COL5A1: variants seen among roughly 807,000 people sequenced by gnomAD.
COL5A1 encodes the protein collagen type V alpha 1 chain.
Under a neutral mutation model 263.7 loss-of-function variants are expected in COL5A1, and 16 were observed. The observed-to-expected ratio is 0.06, with a 90% CI of 0.04 to 0.09. The LOEUF is 0.09. Among genes scored for constraint, COL5A1 ranks in the 10% least tolerant of loss-of-function variants. The probability of loss-of-function intolerance (pLI) is 1.00; values close to 1 mark genes in which losing one functional copy is unlikely to be tolerated. For missense variants in COL5A1, 2,036 were observed against 2,540.5 expected, an observed-to-expected ratio of 0.80 and a Z score of 4.27; for synonymous variants, 1,012 against 1,004.5, an observed-to-expected ratio of 1.01 and a Z score of -0.14.
At chr9:134,768,335 A>G in intron 24 of COL5A1, 75 bp from the exon 25 acceptor site, 1 of 1,302,860 alleles carries the variant, frequency 7.7e-7, no homozygotes, top group Non-Finnish European at 1.1e-6. Context: ...GTTGAAAAGT[A>G]ACCTTGGTGG....
chr9:134,760,185 A>AC (rs566295812), intron 18 of COL5A1, among the ~76,000 whole-genome samples: 5 of 78,676 alleles, frequency 6.4e-5, no homozygotes, highest in Admixed American at 3.4e-4. Flanking sequence ...ACACACATAC[A>AC]CCCCCACACC....
At chr9:134,813,946 C>T (rs1588580680) in intron 48 of COL5A1, 37 bp from the exon 49 acceptor site, 13 of 1,548,716 alleles carry the variant, frequency 8.4e-6, no homozygotes, top group African/African-American at 5.5e-5. Flanking sequence ...CATCGCGGTG[C>T]TCACCGCTGC....
rs987203993 is a variant in COL5A1 at position 134,652,799 on chromosome 9, G to T, written c.109+10503G>T. On this transcript the variant is annotated intron_variant, in intron 1 of 65. Coordinates refer to ENST00000371817, the MANE Select transcript of COL5A1 (RefSeq NM_000093.5). This position sits in a 1 kb window ranked among gnomAD's most constrained non-coding sequence, Gnocchi z 4.4. ...TTTCTCCTCATGGTGTAGACCAGCA[G>T]TTCCCAAACTTTACCAGGCCCCAGA... 3.9e-5 allele frequency: 18 copies of T among 458,362 alleles called. No homozygotes were observed. The highest frequency in any genetic ancestry group is 3.6e-4 in the African/African-American group (18 of 49,632). 28.4% of individuals were successfully genotyped at this position (458,362 alleles called of 1,614,324 possible). A position where few individuals can be genotyped will look rare whatever the true frequency, so the allele number is the denominator to read the frequency against.
At chr9:134,743,113 G>A (rs1390016927) in intron 11 of COL5A1, among the ~76,000 whole-genome samples, 1 of 152,310 alleles carries the variant, frequency 6.6e-6, no homozygotes, top group East Asian at 1.9e-4. Flanking sequence ...TGTGATCAGA[G>A]CGTCTTTGAG....
At position 134,792,877 on chromosome 9, in the gene COL5A1, G is replaced by GCA. The variant is rs1264425278; in HGVS notation, c.2701-2201_2701-2200dup. On this transcript the variant is annotated intron_variant, in intron 32 of 65. Transcript: ENST00000371817. ...CACACGTGTGTGTGCGCGCGTTTGT[G>GCA]CACACGTGTGTGTGCGCGCGTGTGT... 2.3e-4 allele frequency among the ~76,000 whole-genome samples: 7 copies of GCA among 29,860 alleles called. No individual in the cohort carries two copies. The East Asian group carries it at 2.7e-3, about 12-fold the overall frequency. The allele number at this position is 29,860 out of a possible 152,430, so 19.6% of individuals were successfully genotyped here.
intron 5 of COL5A1, 142 bp from the exon 6 acceptor site, chr9:134,728,528 C>A: frequency 8.8e-7 from 1 of 1,134,232 alleles, no homozygotes; most frequent in Non-Finnish European, 1.3e-6. Flanking sequence ...GGAACCCCAT[C>A]CGGGGACCCA....
intron 1 of COL5A1, among the ~76,000 whole-genome samples, chr9:134,669,782 G>C (rs1254136477): frequency 6.6e-6 from 1 of 152,144 alleles, no homozygotes; most frequent in Non-Finnish European, 1.5e-5. Context: ...GGGTGTGGAT[G>C]GGAGGGGAGA....
At chr9:134,830,318 C>T in intron 64 of COL5A1, 2 of 851,568 alleles carry the variant, frequency 2.3e-6, no homozygotes, top group Non-Finnish European at 3.7e-6. Context: ...CAGCAAGACT[C>T]AGCTAGGTGT....
intron 28 of COL5A1, 48 bp downstream of exon 28, chr9:134,780,194 G>T: frequency 6.3e-7 from 1 of 1,589,378 alleles, no homozygotes; most frequent in Non-Finnish European, 8.6e-7. Flanking sequence ...GTCCGGAGCC[G>T]AATTCCAGCC....
At chr9:134,725,762 C>T (rs1834625818) in intron 4 of COL5A1, among the ~76,000 whole-genome samples, 2 of 152,170 alleles carry the variant, frequency 1.3e-5, no homozygotes, top group South Asian at 4.1e-4. Flanking sequence ...GGTTCATCCG[C>T]CTTGTAGTGT....
chr9:134,760,899 ATACACACATGCACACACACACG>A (rs1349433265), intron 18 of COL5A1, among the ~76,000 whole-genome samples: 7 of 145,474 alleles, frequency 4.8e-5, no homozygotes, highest in African/African-American at 1.3e-4. Context: ...CCACACACGC[ATACACACATGCACACACACACG>A]TACACACATG....
At position 134,750,597 on chromosome 9, in the gene COL5A1, G is replaced by T; in HGVS notation, c.1550G>T (p.Gly517Val). 1.2e-6 allele frequency: 2 copies of T among 1,613,524 alleles called. No individual in the cohort carries two copies. ...PGADGLPGPP[G>V]TMLMLPFRFG... The stretch of plus-strand genomic sequence containing the variant: ...GCCGATGGCCTGCCCGGTCCTCCAG[G>T]AACCATGCTCATGCTGCCCGTGAGT... The change falls in exon 12 of 66, where the codon GGA (glycine) becomes GTA (valine). Residue 517 changes from glycine (G) to valine (V), a missense_variant. Physicochemically the swap from Gly to Val is moderately radical, Grantham distance 109. Coordinates refer to ENST00000371817, the MANE Select transcript of COL5A1 (RefSeq NM_000093.5).
chr9:134,785,233 C>T (rs1837413586), intron 30 of COL5A1, 137 bp downstream of exon 30: 2 of 655,490 alleles, frequency 3.1e-6, no homozygotes, highest in African/African-American at 3.6e-5. Flanking sequence ...CTGTCTCCAC[C>T]CTGGGTTCTC....
intron 36 of COL5A1, among the ~76,000 whole-genome samples, chr9:134,797,771 C>A (rs776023310): frequency 6.6e-6 from 1 of 152,280 alleles, no homozygotes; most frequent in Non-Finnish European, 1.5e-5. Context: ...CCACCGTGCC[C>A]GGAGCCCCCA....
chr9:134,729,454 C>T (rs946343705), intron 6 of COL5A1, among the ~76,000 whole-genome samples: 2 of 151,342 alleles, frequency 1.3e-5, no homozygotes, highest in Non-Finnish European at 2.9e-5. Flanking sequence ...TGTGCATGAA[C>T]GAGTGTGTGT....
intron 4 of COL5A1, among the ~76,000 whole-genome samples, chr9:134,711,839 C>T (rs1348175561): frequency 1.3e-5 from 2 of 152,034 alleles, no homozygotes; most frequent in South Asian, 4.1e-4. Context: ...CCCCTTTCAG[C>T]GTCTCGTTCT....
rs1223681642 is a variant in COL5A1 at position 134,820,037 on chromosome 9, GC to G, written c.4447-78del. On this transcript the variant is annotated intron_variant, in intron 57 of 65. Transcript: ENST00000371817. ...AAGCTTCCTGTGCCATGGCTGTGCT[GC>G]GTGCTAACTGGCCCACCGTGGCCGA... is the stretch of plus-strand genomic sequence containing the variant. 9.0e-6 allele frequency: 9 copies of G among 996,622 alleles called. No homozygotes were observed. In the African/African-American group the frequency reaches 1.4e-4, roughly 16 times the overall value. 61.7% of individuals were successfully genotyped at this position (996,622 alleles called of 1,614,324 possible).
rs1237783248 is a variant in COL5A1, at chr9:134,811,676, T to G, written c.3690+77T>G. On this transcript the variant is annotated intron_variant, in intron 46 of 65. Coordinates refer to ENST00000371817, the MANE Select transcript of COL5A1 (RefSeq NM_000093.5). The stretch of plus-strand genomic sequence containing the variant: ...GTGTCTTCATTGTGCTCTCTCCTCT[T>G]GTCTTTTTAAGAATGGAAAACTAAA... 3 of 1,261,684 alleles carry G rather than the reference T, an allele frequency of 2.4e-6. No individual in the cohort carries two copies. In the African/African-American group the frequency reaches 4.4e-5, roughly 19 times the overall value. 78.2% of individuals were successfully genotyped at this position (1,261,684 alleles called of 1,614,324 possible). A position where few individuals can be genotyped will look rare whatever the true frequency, so the allele number is the denominator to read the frequency against.
At position 134,700,745 on chromosome 9, in the gene COL5A1, AG is replaced by A. The variant is rs1407880761; in HGVS notation, c.492-423del. On this transcript the variant is annotated intron_variant, in intron 3 of 65. Coordinates refer to ENST00000371817, the MANE Select transcript of COL5A1 (RefSeq NM_000093.5). This position sits in a 1 kb window ranked among gnomAD's most constrained non-coding sequence, Gnocchi z 4.0. ...CCTGCAGTTTGCCATCGGGGTTCAGAGGGCACGTGACAAGTGCTCGCATGCA... is the reference window on the plus strand; with the variant it reads ...CCTGCAGTTTGCCATCGGGGTTCAGAGGCACGTGACAAGTGCTCGCATGCA... 2.0e-5 allele frequency among the ~76,000 whole-genome samples: 3 copies of A among 152,158 alleles called. No individual in the cohort carries two copies. The highest frequency in any genetic ancestry group is 1.3e-4 in the Admixed American group (2 of 15,280).
Sources: gnomAD v4.1 joint callset for allele counts (sites outside exome capture counted in the v4.1 genomes callset) on GRCh38, gnomAD v4.1.1 for gene constraint, Gnocchi (gnomAD v3.1) non-coding constraint, MANE v1.5 for transcripts, NCBI Gene and HGNC (gene_info 2026-07-23, HGNC 2026-07-21) for gene names.